Variants in S100Z observed in about 807,000 individuals in gnomAD.
The protein encoded by S100Z is S100 calcium binding protein Z, also known as protein S100-Z.
S100Z carries 11 observed loss-of-function variants against 8.5 expected under a neutral mutation model. The ratio of observed to expected loss-of-function variants is 1.30; its 90% CI spans 0.82 to 2.15. The LOEUF (loss-of-function observed/expected upper bound fraction) is 2.15. S100Z is among the 30% of genes most tolerant of loss of function. The pLI is 0.00. For missense variants in S100Z, 126 were observed against 117.9 expected, an observed-to-expected ratio of 1.07 and a Z score of -0.32; for synonymous variants, 34 against 43.8, an observed-to-expected ratio of 0.78 and a Z score of 0.89.
At chr5:76,891,593 T>C (rs1051541082) in intron 4 of S100Z, among the ~76,000 whole-genome samples, 1 of 152,252 alleles carries the variant, frequency 6.6e-6, no homozygotes, top group African/African-American at 2.4e-5. Flanking sequence ...TCCCAGGTGT[T>C]GCTGATGGTG....
chr5:76,908,721 C>A (rs189485129), intron 4 of S100Z, among the ~76,000 whole-genome samples: 40 of 152,290 alleles, frequency 2.6e-4, no homozygotes, highest in Non-Finnish European at 4.9e-4. Context: ...TAAATGAGGA[C>A]AAAAGGCATC....
At chr5:76,936,037 C>A in the S100Z span, among the ~76,000 whole-genome samples, 2 of 152,060 alleles carry the variant, frequency 1.3e-5, no homozygotes, top group African/African-American at 4.8e-5. Context: ...TCGGCGTCCC[C>A]AAGTACTGGG....
intron 1 of S100Z, among the ~76,000 whole-genome samples, chr5:76,859,769 A>AAAAG (rs1491545159): frequency 2.3e-4 from 2 of 8,746 alleles, no homozygotes; most frequent in African/African-American, 1.5e-3. Flanking sequence ...CAACAGAGCC[A>AAAAG]AAAAAAAAAA....
chr5:76,909,501 C>A (rs1554039811), intron 4 of S100Z, among the ~76,000 whole-genome samples: 1 of 152,156 alleles, frequency 6.6e-6, no homozygotes, highest in Non-Finnish European at 1.5e-5. Flanking sequence ...GGAGAACATA[C>A]AACTATGCAA....
chr5:76,867,879 G>T (rs777308957), intron 1 of S100Z, among the ~76,000 whole-genome samples: 1 of 152,102 alleles, frequency 6.6e-6, no homozygotes, highest in Non-Finnish European at 1.5e-5. Context: ...ACTGCGGCCG[G>T]CCACAGTCAT....
At chr5:76,917,176 A>G (rs1744882159) in intron 4 of S100Z, among the ~76,000 whole-genome samples, 1 of 152,116 alleles carries the variant, frequency 6.6e-6, no homozygotes, top group Non-Finnish European at 1.5e-5. Flanking sequence ...GAAAAGAAGA[A>G]AAAAGGAAGG....
intron 4 of S100Z, among the ~76,000 whole-genome samples, chr5:76,916,051 C>T (rs978068479): frequency 6.6e-6 from 1 of 151,816 alleles, no homozygotes; most frequent in East Asian, 1.9e-4. Context: ...ATCCCAGCTA[C>T]CTGGGAGGCT....
chr5:76,856,398 C>T (rs928032849), intron 1 of S100Z, among the ~76,000 whole-genome samples: 3 of 152,200 alleles, frequency 2.0e-5, no homozygotes, highest in African/African-American at 7.2e-5. Context: ...TGGGGTTTTG[C>T]CATGTTGGCC....
At chr5:76,915,044 G>A (rs575740691) in intron 4 of S100Z, among the ~76,000 whole-genome samples, 2 of 152,220 alleles carry the variant, frequency 1.3e-5, no homozygotes, top group African/African-American at 2.4e-5. Context: ...GGTGGCTCAC[G>A]CCTGCAATCC....
chr5:76,875,225 G>A, intron 2 of S100Z, 79 bp from the exon 3 acceptor site: 1 of 784,516 alleles, frequency 1.3e-6, no homozygotes, highest in Non-Finnish European at 1.9e-6. Context: ...TCACTTGTGT[G>A]GCGAGCTGAC....
chr5:76,933,352 G>A, the S100Z span, among the ~76,000 whole-genome samples: 6 of 152,330 alleles, frequency 3.9e-5, no homozygotes, highest in South Asian at 1.0e-3. Flanking sequence ...GAATCCTGTG[G>A]AGTGAGACGG....
chr5:76,893,408 T>A (rs1157227240), intron 4 of S100Z, among the ~76,000 whole-genome samples: 1 of 152,104 alleles, frequency 6.6e-6, no homozygotes, highest in African/African-American at 2.4e-5. Context: ...GCTGGTGTGG[T>A]GGCACATGTC....
At chr5:76,852,109 G>T (rs548483267) in intron 1 of S100Z, among the ~76,000 whole-genome samples, 28 of 151,814 alleles carry the variant, frequency 1.8e-4, no homozygotes, top group Admixed American at 6.6e-4. Context: ...ATCCCATCTG[G>T]CAACGATGAT....
At chr5:76,887,766 A>T (rs1255210301) in intron 4 of S100Z, among the ~76,000 whole-genome samples, 1 of 152,138 alleles carries the variant, frequency 6.6e-6, no homozygotes, top group Non-Finnish European at 1.5e-5. Flanking sequence ...CAAATGAAGG[A>T]ATCTGCCAAT....
the S100Z span, among the ~76,000 whole-genome samples, chr5:76,948,189 G>C: frequency 7.0e-6 from 1 of 142,182 alleles, no homozygotes; most frequent in African/African-American, 2.8e-5. Flanking sequence ...AGCTGGGTGT[G>C]GTGGTGCACA....
At chr5:76,867,813 C>T (rs1241648294) in intron 1 of S100Z, among the ~76,000 whole-genome samples, 2 of 152,108 alleles carry the variant, frequency 1.3e-5, no homozygotes, top group African/African-American at 4.8e-5. Context: ...AACTCCTGAC[C>T]TCAGGTGATC....
At chr5:76,868,382 A>G (rs989555247) in intron 1 of S100Z, among the ~76,000 whole-genome samples, 6 of 152,220 alleles carry the variant, frequency 3.9e-5, no homozygotes, top group Admixed American at 1.3e-4. Flanking sequence ...AAGAGCCAAG[A>G]TGTAGAAGCC....
At chr5:76,853,149 T>G (rs374757407) in intron 1 of S100Z, among the ~76,000 whole-genome samples, 1 of 152,198 alleles carries the variant, frequency 6.6e-6, no homozygotes, top group Non-Finnish European at 1.5e-5. Flanking sequence ...GACACCTAAT[T>G]TTCTACTGAT....
At chr5:76,942,861 G>A in the S100Z span, among the ~76,000 whole-genome samples, 1 of 152,140 alleles carries the variant, frequency 6.6e-6, no homozygotes, top group Non-Finnish European at 1.5e-5. Flanking sequence ...CCCAGAGAAT[G>A]TAGAAAATTA....
Sources: allele counts gnomAD v4.1 joint callset (sites outside exome capture counted in the v4.1 genomes callset), GRCh38; gene constraint gnomAD v4.1.1; transcripts MANE v1.5; gene names NCBI Gene and HGNC (gene_info 2026-07-23, HGNC 2026-07-21).